Variants in AMBRA1 observed in about 807,000 individuals in gnomAD.
AMBRA1 encodes the protein activating molecule in BECN1-regulated autophagy protein 1.
Under a neutral mutation model 125.4 loss-of-function variants are expected in AMBRA1, and 47 were observed. The observed-to-expected ratio is 0.37, with a 90% CI of 0.30 to 0.48. The LOEUF is 0.48. AMBRA1 is among the 20% of genes least tolerant of loss of function. The probability of loss-of-function intolerance (pLI) is 0.99; values close to 1 mark genes in which losing one functional copy is unlikely to be tolerated. For synonymous variants in AMBRA1, 626 were observed against 655.5 expected (o/e 0.95, Z 0.69); for missense variants, 1,331 against 1,693.4 (o/e 0.79, Z 3.76).
At chr11:46,592,019 C>A (rs2044618844) in intron 1 of AMBRA1, among the ~76,000 whole-genome samples, 2 of 144,540 alleles carry the variant, frequency 1.4e-5, no homozygotes, top group African/African-American at 5.1e-5. Flanking sequence ...GATCTCGGCT[C>A]ACCGCAACCT....
chr11:46,523,519 T>C (rs888716171), intron 7 of AMBRA1, among the ~76,000 whole-genome samples: 30 of 152,366 alleles, frequency 2.0e-4, no homozygotes, highest in African/African-American at 7.2e-4. Flanking sequence ...CTGTAGAGTC[T>C]GGAAGCCATT....
chr11:46,537,565 A>G (rs958221655), intron 7 of AMBRA1, among the ~76,000 whole-genome samples: 5 of 152,186 alleles, frequency 3.3e-5, no homozygotes, highest in African/African-American at 9.7e-5. Flanking sequence ...CTGCACTCCC[A>G]CACAGAGAAA....
At chr11:46,442,218 C>T (rs1447409699) in intron 12 of AMBRA1, among the ~76,000 whole-genome samples, 1 of 151,742 alleles carries the variant, frequency 6.6e-6, no homozygotes, top group African/African-American at 2.4e-5. Context: ...TCTTGGCTCA[C>T]TGCAACCTCT....
At position 46,408,803 on chromosome 11, in the gene AMBRA1, G is replaced by C; in HGVS notation, c.3210-97C>G. On this transcript the variant is annotated intron_variant, in intron 16 of 17. Coordinates refer to ENST00000683756, the MANE Select transcript of AMBRA1 (RefSeq NM_001387011.1). ...TGTGCCAATCCTCAGGGCAGTGTGGGCCAGGCCCTGCAGGCTAAGAGAAGC... is the reference window on the plus strand; with the variant it reads ...TGTGCCAATCCTCAGGGCAGTGTGGCCCAGGCCCTGCAGGCTAAGAGAAGC... 7.5e-6 allele frequency: 9 copies of C among 1,195,980 alleles called. No individual in the cohort carries two copies. In the South Asian group the frequency reaches 2.1e-4, roughly 27 times the overall value. 74.1% of individuals were successfully genotyped at this position (1,195,980 alleles called of 1,614,324 possible).
chr11:46,505,364 G>C (rs1286873400), intron 9 of AMBRA1, among the ~76,000 whole-genome samples: 1 of 152,162 alleles, frequency 6.6e-6, no homozygotes, highest in Non-Finnish European at 1.5e-5. Flanking sequence ...GAGGGAGGTG[G>C]GCAGGGAAGG....
At chr11:46,408,916 A>C (rs1373774435) in intron 16 of AMBRA1, among the ~76,000 whole-genome samples, 1 of 152,204 alleles carries the variant, frequency 6.6e-6, no homozygotes, top group Non-Finnish European at 1.5e-5. Context: ...AGAACAATGA[A>C]AGGCCACAGA....
At chr11:46,455,997 C>T (rs1948830011) in intron 11 of AMBRA1, among the ~76,000 whole-genome samples, 1 of 152,006 alleles carries the variant, frequency 6.6e-6, no homozygotes, top group African/African-American at 2.4e-5. Flanking sequence ...TCCTTCAATA[C>T]ATATGTCCTA....
intron 1 of AMBRA1, among the ~76,000 whole-genome samples, chr11:46,583,942 A>C (rs1186962983): frequency 7.0e-6 from 1 of 142,524 alleles, no homozygotes; most frequent in Admixed American, 7.2e-5. Flanking sequence ...AAACTAGTTC[A>C]ACCATTGTGG....
In AMBRA1 at chr11:46,419,311, G is replaced by A. The variant is rs190111119; in HGVS notation, c.2977-1259C>T. ...ATATGTTTTAGAAGCAACTTAATCA[G>A]AGATAGGGGCAGGTCAGTGGAAGAA... On this transcript the variant is annotated intron_variant, in intron 14 of 17. Coordinates refer to ENST00000683756, the MANE Select transcript of AMBRA1 (RefSeq NM_001387011.1). 3.2e-3 allele frequency among the ~76,000 whole-genome samples: 488 copies of A among 152,312 alleles called. 2 individuals are homozygous for A. The highest frequency in any genetic ancestry group is 0.012 in the African/African-American group (479 of 41,564).
chr11:46,569,044 C>G (rs1591148928), intron 1 of AMBRA1, among the ~76,000 whole-genome samples: 1 of 151,558 alleles, frequency 6.6e-6, no homozygotes, highest in Middle Eastern at 3.4e-3. Context: ...TAACCTCAGG[C>G]GATCCACCTG....
intron 7 of AMBRA1, among the ~76,000 whole-genome samples, chr11:46,523,957 C>T (rs970744521): frequency 6.6e-6 from 1 of 152,204 alleles, no homozygotes; most frequent in Non-Finnish European, 1.5e-5. Flanking sequence ...CAACCTTCAC[C>T]TCCTGGGTTC....
chr11:46,538,482 TA>T (rs1430508415), intron 7 of AMBRA1, among the ~76,000 whole-genome samples: 2 of 152,122 alleles, frequency 1.3e-5, no homozygotes, highest in Admixed American at 1.3e-4. Context: ...AAAATTATGG[TA>T]CATCCTTAAT....
chr11:46,592,257 G>T (rs2044629162), intron 1 of AMBRA1, among the ~76,000 whole-genome samples: 1 of 151,534 alleles, frequency 6.6e-6, no homozygotes, highest in Admixed American at 6.6e-5. Flanking sequence ...TTTTTTCCAA[G>T]AATGAAGTGA....
At chr11:46,489,395 C>T (rs544063327) in intron 11 of AMBRA1, among the ~76,000 whole-genome samples, 38 of 152,278 alleles carry the variant, frequency 2.5e-4, no homozygotes, top group Admixed American at 1.4e-3. Context: ...CCACCTGCCT[C>T]GGCCTCCCAA....
chr11:46,494,673 A>G (rs956847100), intron 9 of AMBRA1: 6 of 153,896 alleles, frequency 3.9e-5, no homozygotes, highest in African/African-American at 1.4e-4. Flanking sequence ...GTTATCTTCA[A>G]ATGAAATCTG....
chr11:46,529,467 T>A (rs1171221846), intron 7 of AMBRA1, among the ~76,000 whole-genome samples: 1 of 152,148 alleles, frequency 6.6e-6, no homozygotes, highest in Non-Finnish European at 1.5e-5. Flanking sequence ...GGTACTGCAA[T>A]GACCAGTGAC....
At chr11:46,420,933 T>C (rs562947147) in intron 14 of AMBRA1, among the ~76,000 whole-genome samples, 1 of 152,304 alleles carries the variant, frequency 6.6e-6, no homozygotes, top group African/African-American at 2.4e-5. Context: ...GTGCTGCGTT[T>C]TTTAAATGGG....
At chr11:46,549,535 C>A (rs1314016210) in intron 1 of AMBRA1, among the ~76,000 whole-genome samples, 3 of 152,138 alleles carry the variant, frequency 2.0e-5, no homozygotes, top group Non-Finnish European at 4.4e-5. Flanking sequence ...TTTAACCCTG[C>A]ATATTTAATT....
rs898888902 is a variant in AMBRA1, at chr11:46,420,286, C to T, written c.2977-2234G>A. ...CTGAGGAGACTATTAAAAAAGAAAC[C>T]GATGAAGTTAATGAATTTCTCTCGT... On this transcript the variant is annotated intron_variant, in intron 14 of 17. Coordinates refer to ENST00000683756, the MANE Select transcript of AMBRA1 (RefSeq NM_001387011.1). 2.6e-5 allele frequency among the ~76,000 whole-genome samples: 4 copies of T among 152,098 alleles called. No individual in the cohort carries two copies. In the South Asian group the frequency reaches 8.3e-4, roughly 32 times the overall value.
Sources: gnomAD v4.1 joint callset for allele counts (sites outside exome capture counted in the v4.1 genomes callset) on GRCh38, gnomAD v4.1.1 for gene constraint, MANE v1.5 for transcripts, NCBI Gene and HGNC (gene_info 2026-07-23, HGNC 2026-07-21) for gene names.